Variants in BCL11A observed in about 807,000 individuals in gnomAD.
The protein encoded by BCL11A is B cell CLL/lymphoma 11A.
Under a neutral mutation model 55.9 loss-of-function variants are expected in BCL11A, and 2 were observed. The ratio of observed to expected loss-of-function variants is 0.04; its 90% confidence interval spans 0.01 to 0.11. The LOEUF (loss-of-function observed/expected upper bound fraction) is 0.11. Ranked by LOEUF, BCL11A falls within the 10% of genes least tolerant of loss-of-function variation. BCL11A has a pLI of 1.00. For missense variants in BCL11A, 817 were observed against 1,137.1 expected, an observed-to-expected ratio of 0.72 and a Z score of 4.05; for synonymous variants, 465 against 473.4, an observed-to-expected ratio of 0.98 and a Z score of 0.23.
intron 2 of BCL11A, among the ~76,000 whole-genome samples, chr2:60,509,437 G>A (rs890675718): frequency 3.9e-5 from 6 of 152,176 alleles, no homozygotes; most frequent in African/African-American, 2.4e-5. Context: ...CTCAGAAAAC[G>A]GTTCTGTGGA....
intron 2 of BCL11A, among the ~76,000 whole-genome samples, chr2:60,530,665 A>G (rs1410673577): frequency 6.8e-6 from 1 of 146,686 alleles, no homozygotes; most frequent in East Asian, 1.9e-4. Flanking sequence ...ATGTACAGTC[A>G]GCAGGTATTT....
intron 2 of BCL11A, among the ~76,000 whole-genome samples, chr2:60,489,127 T>A (rs901489098): frequency 6.6e-6 from 1 of 152,196 alleles, no homozygotes; most frequent in Non-Finnish European, 1.5e-5. Flanking sequence ...GTGGTCAAAA[T>A]GTTTCTAAAG....
rs200644479 is a variant in BCL11A, at chr2:60,461,118, G to A, written c.1794C>T (p.Asp598=). Reference sequence around the variant, plus strand: ...AGCCGCGGCCATTAACAGTGCCATCGTCTATGCGGTCCGACTCGCCGGCCA... The same window carrying A: ...AGCCGCGGCCATTAACAGTGCCATCATCTATGCGGTCCGACTCGCCGGCCA... ...DSVAGESDRI[D]DGTVNGRGCS... is the part of the protein sequence containing the mutation. The change falls in exon 4 of 4, where the codon GAC becomes GAT. Residue 598 remains aspartate (D), a synonymous_variant. Coordinates refer to ENST00000642384, the MANE Select transcript of BCL11A (RefSeq NM_022893.4). 6.2e-7 allele frequency: 1 copy of A among 1,609,836 alleles called. No individual in the cohort carries two copies. The highest frequency in any genetic ancestry group is 8.5e-7 in the Non-Finnish European group (1 of 1,178,552).
Position 60,459,561 on chromosome 2 carries a change from T to C in BCL11A, c.*843A>G, listed in dbSNP as rs1676116144. ...TTTAGGTAGCCATTGTTGTGAGAAATACAATATAGAATTATATGCTAGTTC... is the reference window on the plus strand; with the variant it reads ...TTTAGGTAGCCATTGTTGTGAGAAACACAATATAGAATTATATGCTAGTTC... On this transcript the variant is annotated 3_prime_UTR_variant, in exon 4 of 4. Coordinates refer to ENST00000642384, the MANE Select transcript of BCL11A (RefSeq NM_022893.4). 9.8e-7 allele frequency: 1 copy of C among 1,024,984 alleles called. No individual in the cohort carries two copies. The highest frequency in any genetic ancestry group is 6.4e-5 in the East Asian group (1 of 15,726). The allele number at this position is 1,024,984 out of a possible 1,614,324, so 63.5% of individuals were successfully genotyped here.
Position 60,482,108 on chromosome 2 carries a change from G to A in BCL11A, c.386-13275C>T, listed in dbSNP as rs112361751. Among the ~76,000 whole-genome samples the A allele has an allele frequency of 3.7e-3, 567 of 152,244 alleles. 4 individuals are homozygous for A. The highest frequency in any genetic ancestry group is 0.013 in the African/African-American group (527 of 41,528). ...AAGAGAGGCAGACCTGTTAAGGGGC[G>A]GGTGGTTTGAGCCACTTAGGACATT... On this transcript the variant is annotated intron_variant, in intron 2 of 3. Coordinates refer to ENST00000642384, the MANE Select transcript of BCL11A (RefSeq NM_022893.4).
Position 60,461,843 on chromosome 2 carries a change from T to C in BCL11A, c.1069A>G (p.Thr357Ala). Residue 357 changes from threonine to alanine, a missense_variant, in exon 4 of 4, where the codon ACG (threonine) becomes GCG (alanine). Physicochemically the swap from Thr to Ala is moderately conservative, Grantham distance 58 (BLOSUM62 0). Transcript: ENST00000642384. The part of the protein sequence containing the change: ...QPGSKPPFLA[T>A]PPLPPLQSAP... ...GATTGCAGAGGAGGGAGGGGGGGCG[T>C]CGCCAGGAAGGGCGGCTTGCTACCT... 1 of 1,613,096 alleles carries C rather than the reference T, an allele frequency of 6.2e-7. No homozygotes were observed.
intron 2 of BCL11A, among the ~76,000 whole-genome samples, chr2:60,518,259 A>G (rs965446809): frequency 6.6e-6 from 1 of 152,190 alleles, no homozygotes; most frequent in Admixed American, 6.5e-5. Context: ...TCCCTCTGTC[A>G]ACATCTGCTG....
chr2:60,481,075 C>T (rs1372904321), intron 2 of BCL11A, among the ~76,000 whole-genome samples: 1 of 152,184 alleles, frequency 6.6e-6, no homozygotes, highest in East Asian at 1.9e-4. Context: ...CAGCCACCCA[C>T]ACCTTGTCAC....
At chr2:60,531,060 C>T (rs1669433010) in intron 2 of BCL11A, among the ~76,000 whole-genome samples, 1 of 152,100 alleles carries the variant, frequency 6.6e-6, no homozygotes, top group Non-Finnish European at 1.5e-5. Context: ...CCTTTGTGCT[C>T]CTTCCCTCTT....
chr2:60,526,412 G>A (rs1309493334), intron 2 of BCL11A: 1 of 152,206 alleles, frequency 6.6e-6, no homozygotes, highest in Non-Finnish European at 1.5e-5. Context: ...TTTGGGAAGT[G>A]TACATTAATT....
At chr2:60,529,495 A>G (rs1450535469) in intron 2 of BCL11A, among the ~76,000 whole-genome samples, 1 of 152,216 alleles carries the variant, frequency 6.6e-6, no homozygotes, top group African/African-American at 2.4e-5. Flanking sequence ...AAGATACATC[A>G]TATGTCAAGG....
chr2:60,480,764 T>C (rs891548300), intron 2 of BCL11A, among the ~76,000 whole-genome samples: 1 of 152,168 alleles, frequency 6.6e-6, no homozygotes, highest in African/African-American at 2.4e-5. Context: ...TTCTGGTGAA[T>C]TGGTCTCAAT....
chr2:60,464,370 G>T (rs529923720), intron 3 of BCL11A, among the ~76,000 whole-genome samples: 61 of 152,126 alleles, frequency 4.0e-4, no homozygotes, highest in Middle Eastern at 3.4e-3. Flanking sequence ...TAAATTTTTT[G>T]TTGTTGTTGA....
chr2:60,458,492 C>A lies in BCL11A; in HGVS notation c.*1912G>T. 1.9e-6 allele frequency: 2 copies of A among 1,031,320 alleles called. No homozygotes were observed. Among genetic ancestry groups the A allele is most frequent in the Non-Finnish European group, 1.2e-6 (1 of 857,098 alleles). 63.9% of individuals were successfully genotyped at this position (1,031,320 alleles called of 1,614,324 possible). Reference sequence around the variant, plus strand: ...CAAAAAAATCCTTGCACTGTAGAAGCGAAAGCAATCATTCATTTCTATGTT... The same window carrying A: ...CAAAAAAATCCTTGCACTGTAGAAGAGAAAGCAATCATTCATTTCTATGTT... On this transcript the variant is annotated 3_prime_UTR_variant, in exon 4 of 4. Transcript: ENST00000642384.
At chr2:60,521,975 A>G (rs1669017545) in intron 2 of BCL11A, 2 of 152,328 alleles carry the variant, frequency 1.3e-5, no homozygotes, top group Admixed American at 1.3e-4. Flanking sequence ...CTTCCCAGAT[A>G]CAAGACTTGA....
rs373387390 is a variant in BCL11A at position 60,517,711 on chromosome 2, T to C, written c.385+28260A>G. Among the ~76,000 whole-genome samples the C allele has an allele frequency of 3.2e-4, 48 of 152,364 alleles. No individual in the cohort carries two copies. The East Asian group carries it at 8.9e-3, about 28-fold the overall frequency. On this transcript the variant is annotated intron_variant, in intron 2 of 3. Transcript: ENST00000642384. ...GGGAAGCCCCAGGCTCTGGGCCAAG[T>C]CTACCACTGCCTAGCAAGTAGACTC...
At chr2:60,490,573 G>A (rs575110296) in intron 2 of BCL11A, among the ~76,000 whole-genome samples, 1 of 152,306 alleles carries the variant, frequency 6.6e-6, no homozygotes, top group African/African-American at 2.4e-5. Context: ...TTAGCAAGAA[G>A]AATCAATCTC....
At chr2:60,482,142 T>C (rs1298015620) in intron 2 of BCL11A, among the ~76,000 whole-genome samples, 1 of 152,040 alleles carries the variant, frequency 6.6e-6, no homozygotes, top group Non-Finnish European at 1.5e-5. Flanking sequence ...TTTTGGACAT[T>C]TTGCATCTCT....
At chr2:60,515,967 C>A (rs752469192) in intron 2 of BCL11A, among the ~76,000 whole-genome samples, 6 of 152,192 alleles carry the variant, frequency 3.9e-5, no homozygotes, top group Non-Finnish European at 7.3e-5. Context: ...CCAACACCCA[C>A]GGAGGGGTCC....
Sources: allele counts gnomAD v4.1 joint callset (sites outside exome capture counted in the v4.1 genomes callset), GRCh38; gene constraint gnomAD v4.1.1; transcripts MANE v1.5; gene names NCBI Gene and HGNC (gene_info 2026-07-23, HGNC 2026-07-21).